The following MACROD2 variants were observed in gnomAD, a reference collection of about 807,000 sequenced individuals.
MACROD2 encodes ADP-ribose glycohydrolase MACROD2.
A neutral mutation model predicts 70.4 loss-of-function variants in MACROD2; 36 were observed. The observed-to-expected ratio is 0.51, with a 90% CI of 0.39 to 0.68. MACROD2 has a LOEUF of 0.68. MACROD2 is among the 30% of genes least tolerant of loss of function. The pLI, the probability that MACROD2 is intolerant of heterozygous loss-of-function variation, is 0.00. For synonymous variants in MACROD2, 172 were observed against 178.8 expected, an observed-to-expected ratio of 0.96 and a Z score of 0.30; for missense variants, 496 against 538.4, an observed-to-expected ratio of 0.92 and a Z score of 0.78.
At chr20:15,636,848 GA>G (rs1325012499) in intron 8 of MACROD2, among the ~76,000 whole-genome samples, 1 of 152,076 alleles carries the variant, frequency 6.6e-6, no homozygotes, top group Non-Finnish European at 1.5e-5. Flanking sequence ...AGCAGGAGGG[GA>G]TGAGCTGTCA....
chr20:14,002,863 A>G (rs1453207025), intron 2 of MACROD2, among the ~76,000 whole-genome samples: 1 of 152,204 alleles, frequency 6.6e-6, no homozygotes, highest in Non-Finnish European at 1.5e-5. Context: ...TATATTTTGT[A>G]TGATGTGTTA....
At chr20:14,635,536 T>C (rs1036980601) in intron 4 of MACROD2, among the ~76,000 whole-genome samples, 2 of 152,154 alleles carry the variant, frequency 1.3e-5, no homozygotes, top group Admixed American at 1.3e-4. Flanking sequence ...AATACAAAGG[T>C]AAAAAATGCA....
intron 3 of MACROD2, among the ~76,000 whole-genome samples, chr20:14,448,093 T>C (rs2084203736): frequency 6.6e-6 from 1 of 151,590 alleles, no homozygotes; most frequent in East Asian, 2.0e-4. Flanking sequence ...TACAATAGTA[T>C]TAGTCAAGTG....
At chr20:14,159,657 T>C (rs2055155276) in intron 3 of MACROD2, among the ~76,000 whole-genome samples, 1 of 152,222 alleles carries the variant, frequency 6.6e-6, no homozygotes, top group Admixed American at 6.5e-5. Context: ...TATAAGATTA[T>C]ATCATAGGCA....
At chr20:15,502,967 G>T (rs1218044829) in intron 8 of MACROD2, among the ~76,000 whole-genome samples, 1 of 152,112 alleles carries the variant, frequency 6.6e-6, no homozygotes, top group Non-Finnish European at 1.5e-5. Context: ...TTTCTACAAA[G>T]GAATGATGTA....
chr20:14,298,416 A>C (rs927200551), intron 3 of MACROD2, among the ~76,000 whole-genome samples: 5 of 151,620 alleles, frequency 3.3e-5, no homozygotes, highest in Admixed American at 3.3e-4. Flanking sequence ...AAAAATACAA[A>C]AATTAGCTGG....
intron 2 of MACROD2, among the ~76,000 whole-genome samples, chr20:14,046,908 T>C (rs1184862053): frequency 6.6e-6 from 1 of 152,094 alleles, no homozygotes; most frequent in Non-Finnish European, 1.5e-5. Flanking sequence ...TGAAGTCATC[T>C]TAAGCTCTAA....
chr20:14,606,474 C>G (rs964177376), intron 4 of MACROD2, among the ~76,000 whole-genome samples: 1 of 152,076 alleles, frequency 6.6e-6, no homozygotes, highest in Non-Finnish European at 1.5e-5. Flanking sequence ...TTAATTAGTT[C>G]CATTGAAATT....
chr20:14,816,387 A>G (rs2072774168), intron 5 of MACROD2, among the ~76,000 whole-genome samples: 1 of 152,054 alleles, frequency 6.6e-6, no homozygotes, highest in Non-Finnish European at 1.5e-5. Flanking sequence ...AAATTAGTGT[A>G]GTATACCCAG....
At chr20:15,021,377 C>CAT (rs59613912) in intron 5 of MACROD2, among the ~76,000 whole-genome samples, 120,328 of 142,550 alleles carry the variant, frequency 0.84, 51,292 homozygotes, top group African/African-American at 0.94. Flanking sequence ...TATGCATACG[C>CAT]AGTCTTCTGT....
At chr20:14,011,649 C>T (rs993902958) in intron 2 of MACROD2, among the ~76,000 whole-genome samples, 4 of 151,618 alleles carry the variant, frequency 2.6e-5, no homozygotes, top group Non-Finnish European at 2.9e-5. Context: ...CTGCCTCAGC[C>T]TCCCGACTAG....
chr20:14,719,058 C>T (rs142343962), intron 5 of MACROD2, among the ~76,000 whole-genome samples: 2,363 of 151,954 alleles, frequency 0.016, 61 homozygotes, highest in African/African-American at 0.054. Context: ...ATGGTGAAAC[C>T]CCATCTCTAC....
intron 4 of MACROD2, among the ~76,000 whole-genome samples, chr20:14,523,976 A>G (rs2085199677): frequency 6.6e-6 from 1 of 152,198 alleles, no homozygotes; most frequent in Admixed American, 6.5e-5. Context: ...TCTAGAGTTA[A>G]TCTGGACATT....
At chr20:14,906,426 A>T (rs1255043041) in intron 5 of MACROD2, among the ~76,000 whole-genome samples, 1 of 152,146 alleles carries the variant, frequency 6.6e-6, no homozygotes, top group Non-Finnish European at 1.5e-5. Context: ...CCCGGGAGGC[A>T]GAGGTTGCAA....
chr20:15,279,304 G>A (rs924841936), intron 6 of MACROD2, among the ~76,000 whole-genome samples: 1 of 152,112 alleles, frequency 6.6e-6, no homozygotes, highest in Admixed American at 6.5e-5. Flanking sequence ...CCTTTGGAGA[G>A]GCATCTCGGA....
At chr20:14,411,675 T>C (rs1477296809) in intron 3 of MACROD2, among the ~76,000 whole-genome samples, 2 of 152,148 alleles carry the variant, frequency 1.3e-5, no homozygotes, top group Non-Finnish European at 2.9e-5. Context: ...TGGCTGCTGC[T>C]CATATGAGCC....
intron 15 of MACROD2, among the ~76,000 whole-genome samples, chr20:16,037,339 A>C (rs2067249078): frequency 6.6e-6 from 1 of 151,984 alleles, no homozygotes; most frequent in Admixed American, 6.6e-5. Flanking sequence ...TCTCTGTGAT[A>C]CCAGAGGGGT....
intron 12 of MACROD2, among the ~76,000 whole-genome samples, chr20:15,962,789 C>T (rs754328246): frequency 9.2e-5 from 14 of 152,150 alleles, no homozygotes; most frequent in Non-Finnish European, 1.9e-4. Flanking sequence ...CCAACTATAG[C>T]TCATTTGGGT....
intron 5 of MACROD2, among the ~76,000 whole-genome samples, chr20:14,839,130 A>G (rs1367424083): frequency 6.6e-6 from 1 of 152,042 alleles, no homozygotes; most frequent in Non-Finnish European, 1.5e-5. Context: ...ATGTGACTCC[A>G]AGTTGTGAGG....
Sources: gnomAD v4.1 joint callset for allele counts (sites outside exome capture counted in the v4.1 genomes callset) on GRCh38, gnomAD v4.1.1 for gene constraint, MANE v1.5 for transcripts, NCBI Gene and HGNC (gene_info 2026-07-23, HGNC 2026-07-21) for gene names.